Variants in FMO4 observed in about 807,000 individuals in gnomAD.
FMO4 encodes dimethylaniline monooxygenase [N-oxide-forming] 4.
In FMO4, 38 loss-of-function variants were observed where a neutral mutation model predicts 43.3. The ratio of observed to expected loss-of-function variants is 0.88; its 90% CI spans 0.68 to 1.15. The LOEUF is 1.15. Among genes scored for constraint, FMO4 ranks in the 50% most tolerant of loss-of-function variants. The pLI, the probability that FMO4 is intolerant of heterozygous loss-of-function variation, is 0.00. For synonymous variants in FMO4, 224 were observed against 232.2 expected (o/e 0.96, Z 0.32); for missense variants, 631 against 663.3 (o/e 0.95, Z 0.54).
Position 171,319,368 on chromosome 1 carries a change from T to C in FMO4, c.-8-450T>C, listed in dbSNP as rs181165614. Among the ~76,000 whole-genome samples, 357 of 152,284 alleles carry C rather than the reference T, an allele frequency of 2.3e-3. 2 individuals carry two copies. The highest frequency in any genetic ancestry group is 8.1e-3 in the African/African-American group (338 of 41,564). Reference sequence around the variant, plus strand: ...TGCTCTGCCACTGGAGCTTGGGGTTTATATGGGCATGGGATAGGGCATGGT... The same window carrying C: ...TGCTCTGCCACTGGAGCTTGGGGTTCATATGGGCATGGGATAGGGCATGGT... On this transcript the variant is annotated intron_variant, in intron 2 of 9. Coordinates refer to ENST00000367749, the MANE Select transcript of FMO4 (RefSeq NM_002022.3).
intron 1 of FMO4, among the ~76,000 whole-genome samples, chr1:171,315,109 T>A (rs1662143571): frequency 6.6e-6 from 1 of 152,136 alleles, no homozygotes; most frequent in Non-Finnish European, 1.5e-5. Context: ...CTGACCAACA[T>A]GGTGAAACCC....
chr1:171,324,057 A>T lies in FMO4; in HGVS notation c.322-81A>T, dbSNP rs1042020408. 22 of 1,318,966 alleles carry T rather than the reference A, an allele frequency of 1.7e-5. No individual in the cohort carries two copies. The African/African-American group carries it at 3.3e-4, about 19-fold the overall frequency. The allele number at this position is 1,318,966 out of a possible 1,614,324, so 81.7% of individuals were successfully genotyped here. Reference sequence around the variant, plus strand: ...TCATGGGACTTGGCCTACTAAAAGTAACAGACATGGTTACCACACCAGTCA... The same window carrying T: ...TCATGGGACTTGGCCTACTAAAAGTTACAGACATGGTTACCACACCAGTCA... On this transcript the variant is annotated intron_variant, in intron 4 of 9. Transcript: ENST00000367749.
At chr1:171,341,277 CA>C in intron 9 of FMO4, 135 bp from the exon 10 acceptor site, 2 of 646,108 alleles carry the variant, frequency 3.1e-6, no homozygotes, top group Non-Finnish European at 5.3e-6. Context: ...TCCTAACATA[CA>C]AAAACATTCC....
Position 171,319,940 on chromosome 1 carries a change from G to T in FMO4, c.115G>T (p.Gly39Ter), listed in dbSNP as rs200385793. ...CTTTGAGAGAAGTGATGACATTGGG[G>T]GATTATGGAAGTTTACTGTACGTGG... Reference protein sequence around the residue: ...TCFERSDDIGGLWKFTESSKD... With the variant: ...TCFERSDDIG Residue 39 changes from glycine (G) to a stop codon, truncating the protein, a stop_gained, in exon 3 of 10, where the codon GGA (glycine) becomes TGA (stop). Transcript: ENST00000367749. LOFTEE classifies it high-confidence loss of function. 19 of 1,613,816 alleles carry T rather than the reference G, an allele frequency of 1.2e-5. No homozygotes were observed. Among genetic ancestry groups the T allele is most frequent in the Non-Finnish European group, 1.6e-5 (19 of 1,179,790 alleles).
At chr1:171,330,428 G>T (rs1662847737) in intron 5 of FMO4, among the ~76,000 whole-genome samples, 1 of 152,134 alleles carries the variant, frequency 6.6e-6, no homozygotes, top group African/African-American at 2.4e-5. Context: ...TTCTCATGCT[G>T]CTAATAAAGA....
At position 171,338,619 on chromosome 1, in the gene FMO4, GACTC is replaced by G. The variant is rs751801567; in HGVS notation, c.1250+1199_1250+1202del. ...GGAATGTTCCATCAGACACCTAAAA[GACTC>G]ACTCTGTTCAAATGTCACTTAATAA... On this transcript the variant is annotated intron_variant, in intron 9 of 9. Coordinates refer to ENST00000367749, the MANE Select transcript of FMO4 (RefSeq NM_002022.3). Among the ~76,000 whole-genome samples, 96 of 152,054 alleles carry G rather than the reference GACTC, an allele frequency of 6.3e-4. 1 individual carries two copies. The highest frequency in any genetic ancestry group is 2.4e-4 in the Non-Finnish European group (16 of 68,022).
intron 6 of FMO4, 24 bp downstream of exon 6, chr1:171,331,806 C>G: frequency 6.2e-7 from 1 of 1,609,408 alleles, no homozygotes; most frequent in Non-Finnish European, 8.5e-7. Context: ...GAATTAATGC[C>G]CCTAATCCCA....
At chr1:171,330,186 G>T (rs564282892) in intron 5 of FMO4, among the ~76,000 whole-genome samples, 1 of 152,302 alleles carries the variant, frequency 6.6e-6, no homozygotes, top group South Asian at 2.1e-4. Context: ...CACTTCAAAG[G>T]AACTTGAAGC....
At position 171,334,534 on chromosome 1, in the gene FMO4, GGAA is replaced by G; in HGVS notation, c.955_957del (p.Glu319del). 6.2e-7 allele frequency: 1 copy of G among 1,613,552 alleles called. No individual in the cohort carries two copies. On this transcript the variant is annotated inframe_deletion, in exon 8 of 10. Coordinates refer to ENST00000367749, the MANE Select transcript of FMO4 (RefSeq NM_002022.3). ...CTGCTGTCTTTGAAGATGGGACAGTGGAAGAAAACATTGATGTTGTGATCTTCA... is the reference window on the plus strand; with the variant it reads ...CTGCTGTCTTTGAAGATGGGACAGTGGAAAACATTGATGTTGTGATCTTCA...
intron 9 of FMO4, among the ~76,000 whole-genome samples, chr1:171,339,983 T>G (rs1571416554): frequency 6.6e-6 from 1 of 152,042 alleles, no homozygotes; most frequent in Admixed American, 6.6e-5. Flanking sequence ...AGAGGCAGGG[T>G]TCTGTGAAAA....
In FMO4 at chr1:171,324,313, T is replaced by C. The variant is rs1662571439; in HGVS notation, c.484+13T>C. The C allele has an allele frequency of 1.3e-6, 2 of 1,596,024 alleles. No individual in the cohort carries two copies. The highest frequency in any genetic ancestry group is 1.7e-6 in the Non-Finnish European group (2 of 1,170,178). ...GAAGCCTTTCCTGGTGAGTCATTTC[T>C]ACCTGAGACCATGCCTATGCTTCTG... On this transcript the variant is annotated intron_variant, in intron 5 of 9. Coordinates refer to ENST00000367749, the MANE Select transcript of FMO4 (RefSeq NM_002022.3).
At chr1:171,315,918 A>T (rs149449795) in intron 1 of FMO4, among the ~76,000 whole-genome samples, 1 of 152,148 alleles carries the variant, frequency 6.6e-6, no homozygotes, top group Non-Finnish European at 1.5e-5. Flanking sequence ...CTACCATAGG[A>T]CTTAGCACAA....
chr1:171,331,944 G>A (rs926051024), intron 6 of FMO4, among the ~76,000 whole-genome samples, 162 bp downstream of exon 6: 2 of 151,968 alleles, frequency 1.3e-5, no homozygotes, highest in Non-Finnish European at 1.5e-5. Context: ...GCCACTCACG[G>A]TTCTTTCTGA....
At chr1:171,323,519 C>T (rs894342055) in intron 4 of FMO4, among the ~76,000 whole-genome samples, 3 of 152,078 alleles carry the variant, frequency 2.0e-5, no homozygotes, top group Non-Finnish European at 4.4e-5. Context: ...CAAAAATTAG[C>T]TGGGTGTGGT....
chr1:171,327,897 A>G (rs528341942), intron 5 of FMO4, among the ~76,000 whole-genome samples: 2 of 152,148 alleles, frequency 1.3e-5, no homozygotes, highest in Admixed American at 1.3e-4. Context: ...TGGGTAACAG[A>G]GCTAAATTCT....
chr1:171,332,863 A>AT lies in FMO4; in HGVS notation c.783dup (p.Lys262Ter), dbSNP rs1336978857. On this transcript the variant is annotated frameshift_variant, in exon 7 of 10. Transcript: ENST00000367749. LOFTEE classifies it high-confidence loss of function. ...AACTGGATTCAAGAAAGGAAGTTGA[A>AT]TAAGAGATTTAATCATGAGGATTAT... 9 of 1,589,026 alleles carry AT rather than the reference A, an allele frequency of 5.7e-6. 1 individual carries two copies. In the South Asian group the frequency reaches 9.9e-5, roughly 18 times the overall value.
chr1:171,332,927 T>A lies in FMO4; in HGVS notation c.827+19T>A. 2 of 1,047,610 alleles carry A rather than the reference T, an allele frequency of 1.9e-6. No homozygotes were observed. Among genetic ancestry groups the A allele is most frequent in the South Asian group, 1.3e-5 (1 of 74,290 alleles). 64.9% of individuals were successfully genotyped at this position (1,047,610 alleles called of 1,614,324 possible). ...CCAAAGGGTACTTACATTTTTTATTTAGTAGAAAAAATATTAAATCAATAT... is the reference window on the plus strand; with the variant it reads ...CCAAAGGGTACTTACATTTTTTATTAAGTAGAAAAAATATTAAATCAATAT... On this transcript the variant is annotated intron_variant, in intron 7 of 9. Coordinates refer to ENST00000367749, the MANE Select transcript of FMO4 (RefSeq NM_002022.3).
chr1:171,319,044 T>A (rs1055935655), intron 2 of FMO4, among the ~76,000 whole-genome samples: 1 of 152,222 alleles, frequency 6.6e-6, no homozygotes, highest in Admixed American at 6.5e-5. Context: ...TATTACTAGT[T>A]CAGTGGAGAT....
intron 2 of FMO4, among the ~76,000 whole-genome samples, chr1:171,316,931 G>T (rs371569446): frequency 1.3e-5 from 2 of 152,242 alleles, no homozygotes; most frequent in East Asian, 3.9e-4. Flanking sequence ...TAGATTTTGT[G>T]CCTGGGGCTT....
Sources: gnomAD v4.1 joint callset for allele counts (sites outside exome capture counted in the v4.1 genomes callset) on GRCh38, gnomAD v4.1.1 for gene constraint, MANE v1.5 for transcripts, NCBI Gene and HGNC (gene_info 2026-07-23, HGNC 2026-07-21) for gene names.